IL1RAPL2: variants seen among roughly 807,000 people sequenced by gnomAD.
IL1RAPL2 encodes interleukin 1 receptor accessory protein like 2.
Under a neutral mutation model 44.1 loss-of-function variants are expected in IL1RAPL2, and 3 were observed. The ratio of observed to expected loss-of-function variants is 0.07; its 90% CI spans 0.03 to 0.18. The LOEUF is 0.18. IL1RAPL2 is among the 10% of genes least tolerant of loss of function. IL1RAPL2 has a pLI of 1.00. For missense variants in IL1RAPL2, 391 were observed against 496.4 expected, an observed-to-expected ratio of 0.79 and a Z score of 2.02; for synonymous variants, 181 against 178.8, an observed-to-expected ratio of 1.01 and a Z score of -0.10.
intron 6 of IL1RAPL2, among the ~76,000 whole-genome samples, chrX:105,548,600 A>G (rs1469192158): frequency 8.9e-6 from 1 of 111,946 alleles, no homozygotes; most frequent in Admixed American, 9.5e-5. Context: ...TCTTGAAGTC[A>G]TAGAGAGCAA....
chrX:105,235,930 G>C (rs975733812), intron 4 of IL1RAPL2, among the ~76,000 whole-genome samples: 1 of 112,324 alleles, frequency 8.9e-6, no homozygotes, highest in African/African-American at 3.2e-5. Flanking sequence ...TCAAGGCAGT[G>C]TGACTCCAGA....
At chrX:105,390,491 G>T (rs749312339) in intron 5 of IL1RAPL2, among the ~76,000 whole-genome samples, 1 of 111,492 alleles carries the variant, frequency 9.0e-6, no homozygotes, top group East Asian at 2.8e-4. Flanking sequence ...TGCCCTGAGA[G>T]AAATTTTATT....
intron 2 of IL1RAPL2, among the ~76,000 whole-genome samples, chrX:105,153,299 T>C (rs1037687795): frequency 8.9e-6 from 1 of 111,985 alleles, no homozygotes; most frequent in Non-Finnish European, 1.9e-5. Flanking sequence ...CCACATGACG[T>C]ATATAAACTT....
chrX:105,031,224 A>G (rs949282382), intron 2 of IL1RAPL2, among the ~76,000 whole-genome samples: 30 of 108,641 alleles, frequency 2.8e-4, no homozygotes, highest in African/African-American at 8.7e-4. Context: ...TCCTAATTGA[A>G]TACCCTTTAT....
At chrX:105,217,865 T>A (rs1360587623) in intron 3 of IL1RAPL2, among the ~76,000 whole-genome samples, 1 of 111,694 alleles carries the variant, frequency 9.0e-6, no homozygotes, top group Non-Finnish European at 1.9e-5. Flanking sequence ...AAACACTGCA[T>A]ATTCTCACTC....
rs947385638 is a variant in IL1RAPL2, at chrX:105,363,671, T to G, written c.697+96130T>G. Among the ~76,000 whole-genome samples, 5 of 110,413 alleles carry G rather than the reference T, an allele frequency of 4.5e-5. No individual in the cohort carries two copies. In the East Asian group the frequency reaches 1.4e-3, roughly 31 times the overall value. ...TGTGAAGTGATACCTCATTATGAAT[T>G]TAATTTTTATTTCTCTGATAATTAG... is the stretch of plus-strand genomic sequence containing the variant. On this transcript the variant is annotated intron_variant, in intron 5 of 10. Transcript: ENST00000372582.
intron 6 of IL1RAPL2, among the ~76,000 whole-genome samples, chrX:105,498,581 C>T (rs1338905863): frequency 9.0e-6 from 1 of 111,003 alleles, no homozygotes; most frequent in African/African-American, 3.3e-5. Context: ...CCCAAATAGC[C>T]AAAACAATTT....
intron 2 of IL1RAPL2, among the ~76,000 whole-genome samples, chrX:104,739,986 T>C (rs753386625): frequency 9.0e-6 from 1 of 111,457 alleles, no homozygotes; most frequent in South Asian, 3.8e-4. Flanking sequence ...TGAGGAACAT[T>C]GTACTATCCT....
chrX:104,660,194 C>T (rs1930363108), intron 2 of IL1RAPL2, among the ~76,000 whole-genome samples: 1 of 111,224 alleles, frequency 9.0e-6, no homozygotes, highest in Non-Finnish European at 1.9e-5. Context: ...ATTATCTCTC[C>T]AGCTCAGCAT....
At chrX:104,812,117 A>G (rs1932987766) in intron 2 of IL1RAPL2, among the ~76,000 whole-genome samples, 1 of 111,028 alleles carries the variant, frequency 9.0e-6, no homozygotes, top group Admixed American at 9.6e-5. Context: ...ATTTCAACCG[A>G]CAAACATTCT....
intron 1 of IL1RAPL2, chrX:104,647,995 A>G (rs1282464744): frequency 5.0e-6 from 4 of 803,471 alleles, no homozygotes; most frequent in Non-Finnish European, 7.3e-6. Context: ...ACACTTTGGC[A>G]GCCATGTTTT....
At position 104,709,802 on chromosome X, in the gene IL1RAPL2, A is replaced by G. The variant is rs370954790; in HGVS notation, c.82+50807A>G. ...ATATAAAGAACTCTTACAACTCAAC[A>G]ATGAAAAGATAAGGGACACAGCTTT... On this transcript the variant is annotated intron_variant, in intron 2 of 10. Transcript: ENST00000372582. 2.7e-5 allele frequency among the ~76,000 whole-genome samples: 3 copies of G among 111,096 alleles called. No homozygotes were observed. The East Asian group carries it at 8.4e-4, about 31-fold the overall frequency.
At chrX:104,604,698 C>T (rs879247830) in intron 1 of IL1RAPL2, among the ~76,000 whole-genome samples, 1 of 98,052 alleles carries the variant, frequency 1.0e-5, no homozygotes, top group Non-Finnish European at 2.0e-5. Flanking sequence ...AGACTTTAAA[C>T]CTACAAAGAT....
chrX:105,166,414 C>T (rs186861613), intron 2 of IL1RAPL2, among the ~76,000 whole-genome samples: 59 of 112,034 alleles, frequency 5.3e-4, no homozygotes, highest in Non-Finnish European at 9.2e-4. Context: ...ACCCACCAAG[C>T]GCCATTTAGC....
intron 7 of IL1RAPL2, among the ~76,000 whole-genome samples, 192 bp from the exon 8 acceptor site, chrX:105,740,354 A>G (rs1020275445): frequency 9.0e-6 from 1 of 111,543 alleles, no homozygotes; most frequent in Non-Finnish European, 1.9e-5. Flanking sequence ...TTTCTTTTCC[A>G]TCTTATCTTC....
At chrX:105,352,527 A>G (rs982376732) in intron 5 of IL1RAPL2, among the ~76,000 whole-genome samples, 2 of 110,941 alleles carry the variant, frequency 1.8e-5, no homozygotes, top group Non-Finnish European at 3.8e-5. Context: ...CAATGGTTGA[A>G]CTAGTTTACA....
chrX:105,043,118 A>G (rs1296932779), intron 2 of IL1RAPL2, among the ~76,000 whole-genome samples: 3 of 105,855 alleles, frequency 2.8e-5, no homozygotes, highest in Admixed American at 1.0e-4. Flanking sequence ...TGGGAGATAT[A>G]CCTAATGCTA....
intron 2 of IL1RAPL2, among the ~76,000 whole-genome samples, chrX:105,137,470 C>T (rs948493950): frequency 7.2e-5 from 8 of 111,442 alleles, no homozygotes; most frequent in Non-Finnish European, 1.5e-4. Flanking sequence ...AACCAGAAAA[C>T]TATTTTTTGG....
chrX:104,704,474 A>G (rs1036390898), intron 2 of IL1RAPL2, among the ~76,000 whole-genome samples: 1 of 111,442 alleles, frequency 9.0e-6, no homozygotes, highest in Admixed American at 9.6e-5. Context: ...CCTTACTCTC[A>G]GTGAAGTAAA....
Sources: gnomAD v4.1 joint callset for allele counts (sites outside exome capture counted in the v4.1 genomes callset) on GRCh38, gnomAD v4.1.1 for gene constraint, MANE v1.5 for transcripts, NCBI Gene and HGNC (gene_info 2026-07-23, HGNC 2026-07-21) for gene names.